Variants in ZNF804B observed in about 807,000 individuals in gnomAD.
ZNF804B encodes zinc finger protein 804B.
Under a neutral mutation model 101.4 loss-of-function variants are expected in ZNF804B, and 80 were observed. The observed-to-expected ratio is 0.79, with a 90% CI of 0.66 to 0.95. The LOEUF (loss-of-function observed/expected upper bound fraction) is 0.95, where lower values mean the gene tolerates loss of function less well. Among genes scored for constraint, ZNF804B ranks in the 40% least tolerant of loss-of-function variants. ZNF804B has a pLI of 0.00. For missense variants in ZNF804B, 1,673 were observed against 1,561.9 expected (o/e 1.07, Z -1.20); for synonymous variants, 622 against 558.8 (o/e 1.11, Z -1.59).
intron 1 of ZNF804B, among the ~76,000 whole-genome samples, chr7:88,925,692 G>A (rs1431299921): frequency 6.6e-6 from 1 of 152,180 alleles, no homozygotes; most frequent in Non-Finnish European, 1.5e-5. Flanking sequence ...AGAAGCTGAG[G>A]AATTCTATCT....
intron 1 of ZNF804B, among the ~76,000 whole-genome samples, chr7:88,924,189 A>G (rs577158146): frequency 1.3e-5 from 2 of 152,246 alleles, no homozygotes; most frequent in East Asian, 1.9e-4. Context: ...GAGATTTACA[A>G]TTTATGTATG....
At chr7:88,957,859 C>CATTTACTTCT (rs1793333659) in intron 1 of ZNF804B, among the ~76,000 whole-genome samples, 1 of 151,078 alleles carries the variant, frequency 6.6e-6, no homozygotes, top group East Asian at 2.0e-4. Flanking sequence ...GATAATTGAT[C>CATTTACTTCT]ATTTACTTCT....
chr7:89,066,734 TAC>T (rs1789460482), intron 1 of ZNF804B, among the ~76,000 whole-genome samples: 1 of 151,602 alleles, frequency 6.6e-6, no homozygotes, highest in Non-Finnish European at 1.5e-5. Flanking sequence ...ATAAAAATAT[TAC>T]ATTCTTTTGC....
intron 1 of ZNF804B, among the ~76,000 whole-genome samples, chr7:88,863,832 G>T (rs1388743346): frequency 6.6e-6 from 1 of 152,218 alleles, no homozygotes; most frequent in Non-Finnish European, 1.5e-5. Context: ...AAGCATGGCA[G>T]TTGGAAGAAG....
intron 1 of ZNF804B, chr7:88,794,547 TA>T: frequency 6.2e-7 from 1 of 1,613,662 alleles, no homozygotes; most frequent in Non-Finnish European, 8.5e-7. Flanking sequence ...GAGAAATGAC[TA>T]TAATTTTCAT....
At chr7:88,854,418 T>TCTTC (rs1791503967) in intron 1 of ZNF804B, among the ~76,000 whole-genome samples, 1 of 85,174 alleles carries the variant, frequency 1.2e-5, no homozygotes, top group Non-Finnish European at 2.5e-5. Flanking sequence ...TTTCTTCCTT[T>TCTTC]CTTTCTTTCT....
chr7:89,234,430 G>A (rs1208517822), intron 2 of ZNF804B, among the ~76,000 whole-genome samples: 1 of 152,104 alleles, frequency 6.6e-6, no homozygotes, highest in African/African-American at 2.4e-5. Context: ...TCTTTGAATA[G>A]TAAATGATAC....
At chr7:88,800,504 C>G (rs909398407) in intron 1 of ZNF804B, among the ~76,000 whole-genome samples, 46 of 152,134 alleles carry the variant, frequency 3.0e-4, no homozygotes, top group African/African-American at 1.1e-3. Flanking sequence ...ATTTTATCTG[C>G]ACATGAAAAA....
intron 1 of ZNF804B, among the ~76,000 whole-genome samples, chr7:89,006,987 A>G (rs1457848248): frequency 6.6e-6 from 1 of 152,086 alleles, no homozygotes; most frequent in African/African-American, 2.4e-5. Flanking sequence ...GTTGGCCTCC[A>G]TCGTCTTCCA....
chr7:88,951,065 T>C (rs147777913), intron 1 of ZNF804B, among the ~76,000 whole-genome samples: 1 of 151,868 alleles, frequency 6.6e-6, no homozygotes, highest in South Asian at 2.1e-4. Context: ...GTGCACATAG[T>C]TGAATTTTTC....
chr7:89,273,733 A>G (rs567672966), intron 2 of ZNF804B, among the ~76,000 whole-genome samples: 4 of 152,282 alleles, frequency 2.6e-5, no homozygotes, highest in African/African-American at 9.6e-5. Flanking sequence ...GTGCCATTGC[A>G]TGGCAGATCT....
chr7:89,323,164 A>T (rs528929019), intron 2 of ZNF804B, among the ~76,000 whole-genome samples: 12 of 152,358 alleles, frequency 7.9e-5, no homozygotes, highest in Admixed American at 5.2e-4. Flanking sequence ...GAAGAATTTC[A>T]TAACTAGACA....
chr7:88,794,351 C>T (rs774856236), intron 1 of ZNF804B: 16 of 1,613,848 alleles, frequency 9.9e-6, no homozygotes, highest in East Asian at 4.5e-5. Flanking sequence ...TGTAAGTTAT[C>T]GCCTGGTCCT....
At chr7:89,314,269 A>C (rs988376950) in intron 2 of ZNF804B, among the ~76,000 whole-genome samples, 22 of 152,216 alleles carry the variant, frequency 1.4e-4, no homozygotes, top group Non-Finnish European at 2.5e-4. Context: ...CATAAAATTG[A>C]CCATAGACAA....
chr7:88,854,531 C>CT (rs372606813), intron 1 of ZNF804B, among the ~76,000 whole-genome samples: 1,693 of 51,892 alleles, frequency 0.033, 129 homozygotes, highest in East Asian at 0.2. Flanking sequence ...CCTTCCTTTC[C>CT]TTCCTTCCTT....
At chr7:89,112,870 G>T (rs1790242240) in intron 1 of ZNF804B, among the ~76,000 whole-genome samples, 1 of 152,180 alleles carries the variant, frequency 6.6e-6, no homozygotes, top group Admixed American at 6.5e-5. Context: ...TTGAAGTGAT[G>T]ATGATAAATT....
chr7:88,977,385 T>C (rs1793631174), intron 1 of ZNF804B, among the ~76,000 whole-genome samples: 1 of 151,582 alleles, frequency 6.6e-6, no homozygotes, highest in Non-Finnish European at 1.5e-5. Flanking sequence ...TGAGTTTTTC[T>C]TTGATGGTAG....
At chr7:88,933,156 A>AATATATACATGACATATCTCTTT (rs1330818246) in intron 1 of ZNF804B, among the ~76,000 whole-genome samples, 21 of 152,026 alleles carry the variant, frequency 1.4e-4, no homozygotes, top group African/African-American at 5.1e-4. Context: ...CATGACAATA[A>AATATATACATGACATATCTCTTT]ATGTGATATG....
intron 2 of ZNF804B, among the ~76,000 whole-genome samples, chr7:89,314,778 G>C (rs771653874): frequency 3.0e-4 from 46 of 152,230 alleles, no homozygotes; most frequent in South Asian, 8.3e-4. Flanking sequence ...ATTTGGGATG[G>C]TTTTCTTAAT....
Sources: allele counts gnomAD v4.1 joint callset (sites outside exome capture counted in the v4.1 genomes callset), GRCh38; gene constraint gnomAD v4.1.1; transcripts MANE v1.5; gene names NCBI Gene and HGNC (gene_info 2026-07-23, HGNC 2026-07-21).